Variants in CNST observed in about 807,000 individuals in gnomAD.
The protein encoded by CNST is consortin, connexin sorting protein.
A neutral mutation model predicts 72.4 loss-of-function variants in CNST; 39 were observed. The observed-to-expected ratio is 0.54, with a 90% CI of 0.42 to 0.70. CNST has a LOEUF of 0.70. Among genes scored for constraint, CNST ranks in the 30% least tolerant of loss-of-function variants. The pLI is 0.00. For missense variants in CNST, 871 were observed against 868.5 expected (o/e 1.00, Z -0.04); for synonymous variants, 332 against 320.1 (o/e 1.04, Z -0.40).
chr1:246,602,749 A>G (rs1425905362), intron 2 of CNST, among the ~76,000 whole-genome samples: 2 of 152,208 alleles, frequency 1.3e-5, no homozygotes, highest in Non-Finnish European at 2.9e-5. Flanking sequence ...TCGGTGCCTC[A>G]GATTGTGGCA....
At chr1:246,622,959 A>G (rs1269023718) in intron 3 of CNST, among the ~76,000 whole-genome samples, 2 of 151,988 alleles carry the variant, frequency 1.3e-5, no homozygotes, top group African/African-American at 4.8e-5. Flanking sequence ...GAGTAGCTGG[A>G]ATTACAGGCA....
At chr1:246,653,016 A>G (rs1396276076) in intron 9 of CNST, among the ~76,000 whole-genome samples, 1 of 147,524 alleles carries the variant, frequency 6.8e-6, no homozygotes, top group Non-Finnish European at 1.5e-5. Context: ...AAAAAAAAAA[A>G]AAGAAAGCTT....
chr1:246,625,355 A>C (rs1664342573), intron 3 of CNST, among the ~76,000 whole-genome samples: 1 of 151,294 alleles, frequency 6.6e-6, no homozygotes, highest in African/African-American at 2.4e-5. Context: ...GACATTTATG[A>C]ACAGTCTAAG....
In CNST at chr1:246,665,923, A is replaced by G. The variant is rs1175390427; in HGVS notation, c.*18A>G. On this transcript the variant is annotated 3_prime_UTR_variant, in exon 11 of 11. Transcript: ENST00000366513. ...TCTCCTAGCAGCATTCCAGACACAG[A>G]CATGCTGGCAGTGAGAGTGAAAGGC... is the stretch of plus-strand genomic sequence containing the variant. The G allele has an allele frequency of 5.8e-6, 9 of 1,557,492 alleles. No homozygotes were observed. The highest frequency in any genetic ancestry group is 1.1e-5 in the South Asian group (1 of 89,410).
At chr1:246,653,475 G>T (rs948183984) in intron 9 of CNST, among the ~76,000 whole-genome samples, 4 of 152,204 alleles carry the variant, frequency 2.6e-5, no homozygotes, top group African/African-American at 9.7e-5. Context: ...TTTGAGAGGA[G>T]CAGGGGAAGT....
intron 1 of CNST, among the ~76,000 whole-genome samples, chr1:246,573,681 AC>A (rs1397268753): frequency 6.6e-6 from 1 of 152,132 alleles, no homozygotes; most frequent in Non-Finnish European, 1.5e-5. Flanking sequence ...GAGTGCAAAA[AC>A]CTTATGAGCA....
At chr1:246,619,074 G>T (rs1335489867) in intron 2 of CNST, among the ~76,000 whole-genome samples, 1 of 151,332 alleles carries the variant, frequency 6.6e-6, no homozygotes, top group Non-Finnish European at 1.5e-5. Context: ...ATCAACAGAA[G>T]AATAGAATTT....
chr1:246,642,960 C>T (rs1316663770), intron 8 of CNST, among the ~76,000 whole-genome samples: 3 of 148,898 alleles, frequency 2.0e-5, no homozygotes, highest in Admixed American at 1.3e-4. Context: ...GGCACCATCA[C>T]GGCTCATTGC....
At chr1:246,643,716 G>A (rs1665864615) in intron 8 of CNST, among the ~76,000 whole-genome samples, 1 of 152,218 alleles carries the variant, frequency 6.6e-6, no homozygotes, top group African/African-American at 2.4e-5. Context: ...CTATGAGGGA[G>A]TATGGACTAA....
chr1:246,576,787 C>T (rs1324162009), intron 1 of CNST, among the ~76,000 whole-genome samples: 1 of 151,980 alleles, frequency 6.6e-6, no homozygotes, highest in Non-Finnish European at 1.5e-5. Flanking sequence ...AGCCACCGCA[C>T]CCAGCCACAA....
At chr1:246,656,157 G>A (rs528817994) in intron 9 of CNST, among the ~76,000 whole-genome samples, 17 of 152,332 alleles carry the variant, frequency 1.1e-4, no homozygotes, top group African/African-American at 4.1e-4. Context: ...TCTGAATTGA[G>A]TGAAACCTAT....
chr1:246,641,910 A>G lies in CNST; in HGVS notation c.841-31A>G. 3.2e-6 allele frequency: 5 copies of G among 1,543,298 alleles called. No homozygotes were observed. The African/African-American group carries it at 4.1e-5, about 13-fold the overall frequency. On this transcript the variant is annotated intron_variant, in intron 7 of 10. Transcript: ENST00000366513. ...TAGTTTAATACAACAGTTTCCCCAA[A>G]AGTTGGGTTTTCTTGTTTTAAACTT...
chr1:246,568,917 G>A lies in CNST; in HGVS notation c.-52+2254G>A, dbSNP rs143591142. ...CATTTAAATATATTTATTTATTTGT[G>A]AAGGCGGAGTTTTGCTATGTTGCCC... On this transcript the variant is annotated intron_variant, in intron 1 of 10. Transcript: ENST00000366513. 4.4e-3 allele frequency among the ~76,000 whole-genome samples: 663 copies of A among 152,038 alleles called. 3 individuals are homozygous for A. Among genetic ancestry groups the A allele is most frequent in the African/African-American group, 0.015 (636 of 41,464 alleles).
Position 246,616,284 on chromosome 1 carries a change from G to A in CNST, c.380-5145G>A, listed in dbSNP as rs1663683589. Among the ~76,000 whole-genome samples, 5 of 152,116 alleles carry A rather than the reference G, an allele frequency of 3.3e-5. No homozygotes were observed. The South Asian group carries it at 1.0e-3, about 32-fold the overall frequency. Reference sequence around the variant, plus strand: ...GAATTTTAGGTCAGACATGGTGGCTGGCGCCTGTACTCCCAGCATTTTGGG... The same window carrying A: ...GAATTTTAGGTCAGACATGGTGGCTAGCGCCTGTACTCCCAGCATTTTGGG... On this transcript the variant is annotated intron_variant, in intron 2 of 10. Transcript: ENST00000366513.
At chr1:246,570,900 A>G (rs757740084) in intron 1 of CNST, among the ~76,000 whole-genome samples, 1 of 152,218 alleles carries the variant, frequency 6.6e-6, no homozygotes, top group Non-Finnish European at 1.5e-5. Flanking sequence ...TTATATGCTT[A>G]ATGAGAAATT....
chr1:246,572,048 G>A (rs1236814316), intron 1 of CNST, among the ~76,000 whole-genome samples: 5 of 152,012 alleles, frequency 3.3e-5, no homozygotes, highest in East Asian at 3.9e-4. Flanking sequence ...TTTGAATGAA[G>A]GTAAAGTAAC....
chr1:246,643,498 G>A lies in CNST; in HGVS notation c.937+1461G>A, dbSNP rs74152036. 3.0e-3 allele frequency among the ~76,000 whole-genome samples: 454 copies of A among 152,266 alleles called. 2 individuals are homozygous for A. Among genetic ancestry groups the A allele is most frequent in the African/African-American group, 0.01 (430 of 41,550 alleles). On this transcript the variant is annotated intron_variant, in intron 8 of 10. Coordinates refer to ENST00000366513, the MANE Select transcript of CNST (RefSeq NM_152609.3). Reference sequence around the variant, plus strand: ...GAGACTTACTTAGCATGGTTGCTGCGCAGCACCTCCTCCTGCTTGGCCTCT... The same window carrying A: ...GAGACTTACTTAGCATGGTTGCTGCACAGCACCTCCTCCTGCTTGGCCTCT...
chr1:246,666,037 CT>C lies in CNST; in HGVS notation c.*135del, dbSNP rs900713454. ...GAACCAAGGACATCAGAAATAGCAA[CT>C]TTAAGTGGCAAGCCGGAGGAACTCT... On this transcript the variant is annotated 3_prime_UTR_variant, in exon 11 of 11. Transcript: ENST00000366513. 7.4e-5 allele frequency: 47 copies of C among 634,540 alleles called. No individual in the cohort carries two copies. The African/African-American group carries it at 7.9e-4, about 11-fold the overall frequency. The allele number at this position is 634,540 out of a possible 1,614,324, so 39.3% of individuals were successfully genotyped here. A position where few individuals can be genotyped will look rare whatever the true frequency, so the allele number is the denominator to read the frequency against.
At chr1:246,640,991 C>A (rs1015927322) in intron 6 of CNST, among the ~76,000 whole-genome samples, 2 of 152,168 alleles carry the variant, frequency 1.3e-5, no homozygotes, top group Non-Finnish European at 2.9e-5. Context: ...TTCGTACCCA[C>A]CCACAATAGT....
Sources: allele counts gnomAD v4.1 joint callset (sites outside exome capture counted in the v4.1 genomes callset), GRCh38; gene constraint gnomAD v4.1.1; transcripts MANE v1.5; gene names NCBI Gene and HGNC (gene_info 2026-07-23, HGNC 2026-07-21).